Variants in GPR85 observed in about 807,000 individuals in gnomAD.
GPR85 encodes G protein-coupled receptor 85, also known as probable G protein-coupled receptor 85.
Under a neutral mutation model 21.3 loss-of-function variants are expected in GPR85, and 7 were observed. The observed-to-expected ratio is 0.33, with a 90% confidence interval of 0.19 to 0.62. The LOEUF (loss-of-function observed/expected upper bound fraction) is 0.62, where lower values mean the gene tolerates loss of function less well. GPR85 is among the 20% of genes least tolerant of loss of function. The pLI, the probability that GPR85 is intolerant of heterozygous loss-of-function variation, is 0.80. For missense variants in GPR85, 299 were observed against 443.8 expected (o/e 0.67, Z 2.93); for synonymous variants, 167 against 166.1 (o/e 1.01, Z -0.04).
chr7:113,086,417 G>GTTTTTTTTTTTT lies in GPR85; in HGVS notation c.-385_-384insAAAAAAAAAAAA, dbSNP rs1794296050. On this transcript the variant is annotated 5_prime_UTR_variant, in exon 1 of 3. Transcript: ENST00000424100. ...TTTTCTTTTTTTTTTTTTTTTTTTT[G>GTTTTTTTTTTTT]TTTTTTGTTTTTTTTTTTTTTTTTT... is the stretch of plus-strand genomic sequence containing the variant. The GTTTTTTTTTTTT allele has an allele frequency of 3.0e-5, 2 of 66,632 alleles. No homozygotes were observed. The highest frequency in any genetic ancestry group is 1.2e-4 in the African/African-American group (2 of 16,224). 4.1% of individuals were successfully genotyped at this position (66,632 alleles called of 1,614,324 possible).
Position 113,082,800 on chromosome 7 carries a change from A to T in GPR85, c.*809T>A, listed in dbSNP as rs542978952. 3.3e-5 allele frequency: 5 copies of T among 152,490 alleles called. No homozygotes were observed. Among genetic ancestry groups the T allele is most frequent in the African/African-American group, 1.2e-4 (5 of 41,490 alleles). The allele number at this position is 152,490 out of a possible 1,614,324, so 9.4% of individuals were successfully genotyped here. A position where few individuals can be genotyped will look rare whatever the true frequency, so the allele number is the denominator to read the frequency against. Reference sequence around the variant, plus strand: ...TAGATAACCCTTTAAGGCAACATGTATTTATTCTGCATTATTAGAACTGCT... The same window carrying T: ...TAGATAACCCTTTAAGGCAACATGTTTTTATTCTGCATTATTAGAACTGCT... On this transcript the variant is annotated 3_prime_UTR_variant, in exon 3 of 3. Transcript: ENST00000424100.
rs1320559862 is a variant in GPR85 at position 113,084,484 on chromosome 7, A to AGTT, written c.235_237dup (p.Asn79dup). 6.2e-7 allele frequency: 1 copy of AGTT among 1,613,968 alleles called. No individual in the cohort carries two copies. Among genetic ancestry groups the AGTT allele is most frequent in the Non-Finnish European group, 8.5e-7 (1 of 1,179,842 alleles). On this transcript the variant is annotated inframe_insertion, in exon 3 of 3. Transcript: ENST00000424100. ...GTCCAGGTAGAACCATTTTTGACAG[A>AGTT]GTTGAACACAAATGGGAAACAAATT...
chr7:113,084,674 C>G lies in GPR85; in HGVS notation c.48G>C (p.Ser16=). ...HAADNILQNL[S]PLTAFLKLTS... ...TCAGTTTCAGAAAGGCTGTTAGAGG[C>G]GAGAGATTTTGCAAAATGTTGTCAG... Residue 16 remains serine, a synonymous_variant, in exon 3 of 3, where the codon TCG becomes TCC. Coordinates refer to ENST00000424100, the MANE Select transcript of GPR85 (RefSeq NM_001146267.2). 3 of 1,613,544 alleles carry G rather than the reference C, an allele frequency of 1.9e-6. No homozygotes were observed. Among genetic ancestry groups the G allele is most frequent in the Non-Finnish European group, 2.5e-6 (3 of 1,179,704 alleles).
At chr7:113,086,881 C>G (rs1300610244), upstream of GPR85, among the ~76,000 whole-genome samples, 1 of 151,896 alleles carries the variant, frequency 6.6e-6, no homozygotes, top group African/African-American at 2.4e-5. Context: ...CCTAACCTTC[C>G]CCAGACACTT....
chr7:113,083,494 A>T lies in GPR85; in HGVS notation c.*115T>A. On this transcript the variant is annotated 3_prime_UTR_variant, in exon 3 of 3. Transcript: ENST00000424100. The surrounding 1 kb of genome is among the most constrained non-coding windows in gnomAD (Gnocchi z 4.4). Reference sequence around the variant, plus strand: ...GCAAAGACTGCAGAATGTTGCCCAAATCCTTAAAACTGCTGATTCCATTCT... The same window carrying T: ...GCAAAGACTGCAGAATGTTGCCCAATTCCTTAAAACTGCTGATTCCATTCT... The T allele has an allele frequency of 2.1e-6, 2 of 960,848 alleles. No individual in the cohort carries two copies. Among genetic ancestry groups the T allele is most frequent in the Non-Finnish European group, 1.6e-6 (1 of 629,642 alleles). 59.5% of individuals were successfully genotyped at this position (960,848 alleles called of 1,614,324 possible). A position where few individuals can be genotyped will look rare whatever the true frequency, so the allele number is the denominator to read the frequency against.
upstream of GPR85, among the ~76,000 whole-genome samples, chr7:113,087,032 G>GTTAT (rs752747738): frequency 1.6e-3 from 247 of 152,204 alleles, no homozygotes; most frequent in Non-Finnish European, 2.9e-3. Flanking sequence ...AAGAAAAAAA[G>GTTAT]TTATTTATTT....
At position 113,083,812 on chromosome 7, in the gene GPR85, C is replaced by T; in HGVS notation, c.910G>A (p.Ala304Thr). 3 of 1,614,180 alleles carry T rather than the reference C, an allele frequency of 1.9e-6. No homozygotes were observed. Among genetic ancestry groups the T allele is most frequent in the Middle Eastern group, 1.6e-4 (1 of 6,062 alleles). ...CTTGCAAAAACTCTCCAATAACAGG[C>T]CACCAGGTAGGGGCCCCACAAGGTT... The part of the protein sequence containing the change: ...FLTLWGPYLV[A>T]CYWRVFARGP... The change falls in exon 3 of 3, where the codon GCC (alanine) becomes ACC (threonine). Residue 304 changes from alanine (A) to threonine (T), a missense_variant. Around this residue, in one of 2 missense-constraint regions of GPR85, gnomAD observed 198 missense variants for 335.4 expected, o/e 0.59. Coordinates refer to ENST00000424100, the MANE Select transcript of GPR85 (RefSeq NM_001146267.2). The surrounding 1 kb of genome is among the most constrained non-coding windows in gnomAD (Gnocchi z 4.4).
chr7:113,084,222 C>G lies in GPR85; in HGVS notation c.500G>C (p.Arg167Thr). 1 of 1,614,094 alleles carries G rather than the reference C, an allele frequency of 6.2e-7. No homozygotes were observed. The highest frequency in any genetic ancestry group is 2.2e-5 in the East Asian group (1 of 44,864). ...TTGGAAGGTGCATTGATCTTCCTCC[C>G]TAATGAATGAGTAAGTGCCCACGTC... ...VLDVGTYSFI[R>T]EEDQCTFQHR... is the part of the protein sequence containing the mutation. Residue 167 changes from arginine (R) to threonine (T), a missense_variant, in exon 3 of 3, where the codon AGG (arginine) becomes ACG (threonine). Physicochemically the swap from Arg to Thr is moderately conservative, Grantham distance 71. Around this residue, in one of 2 missense-constraint regions of GPR85, gnomAD observed 198 missense variants for 335.4 expected, o/e 0.59. Transcript: ENST00000424100.
rs1245422095 is a variant in GPR85 at position 113,086,424 on chromosome 7, G to GTTTTTTTTTTTTTTTTTTTTTTTTTTTT, written c.-392_-391insAAAAAAAAAAAAAAAAAAAAAAAAAAAA. On this transcript the variant is annotated 5_prime_UTR_variant, in exon 1 of 3. The change abolishes the stop of an existing upstream ORF in the 5' untranslated region. Transcript: ENST00000424100. Reference sequence around the variant, plus strand: ...TTTTTTTTTTTTTTTTTTGTTTTTTGTTTTTTTTTTTTTTTTTTTTGCCTT... The same window carrying GTTTTTTTTTTTTTTTTTTTTTTTTTTTT: ...TTTTTTTTTTTTTTTTTTGTTTTTTGTTTTTTTTTTTTTTTTTTTTTTTTTTTTTTTTTTTTTTTTTTTTTTTTGCCTT... 1.6e-5 allele frequency: 1 copy of GTTTTTTTTTTTTTTTTTTTTTTTTTTTT among 63,856 alleles called. No individual in the cohort carries two copies. Among genetic ancestry groups the GTTTTTTTTTTTTTTTTTTTTTTTTTTTT allele is most frequent in the Non-Finnish European group, 2.7e-5 (1 of 36,750 alleles). The allele number at this position is 63,856 out of a possible 1,614,324, so 4.0% of individuals were successfully genotyped here.
At position 113,085,294 on chromosome 7, in the gene GPR85, T is replaced by G. The variant is rs112892735; in HGVS notation, c.-170-403A>C. 4.5e-3 allele frequency among the ~76,000 whole-genome samples: 689 copies of G among 152,316 alleles called. 5 individuals carry two copies. Among genetic ancestry groups the G allele is most frequent in the African/African-American group, 0.016 (664 of 41,568 alleles). On this transcript the variant is annotated intron_variant, in intron 2 of 2. Coordinates refer to ENST00000424100, the MANE Select transcript of GPR85 (RefSeq NM_001146267.2). ...ATCTGTCAGTGTTTCACAGGCAGCT[T>G]CTCTGTTTGATGTGGGTCCAAAGAA... is the stretch of plus-strand genomic sequence containing the variant.
rs770417550 is a variant in GPR85, at chr7:113,083,959, T to C, written c.763A>G (p.Thr255Ala). ...GCATTTTGCCTGATGCCCAGCAAGG[T>C]GGGTGGTGTGGGACCCCTTCCAAAT... ...AGFGRGPTPP[T>A]LLGIRQNANT... The change falls in exon 3 of 3, where the codon ACC becomes GCC. Residue 255 changes from threonine to alanine, a missense_variant. Thr to Ala is a moderately conservative substitution (Grantham distance 58). Transcript: ENST00000424100. This position sits in a 1 kb window ranked among gnomAD's most constrained non-coding sequence, Gnocchi z 4.4. 2 of 1,614,206 alleles carry C rather than the reference T, an allele frequency of 1.2e-6. No homozygotes were observed. The highest frequency in any genetic ancestry group is 1.7e-6 in the Non-Finnish European group (2 of 1,180,024).
At position 113,086,390 on chromosome 7, in the gene GPR85, C is replaced by CTTTTTTTTTTTTTTTTTTGTTTTTT. The variant is rs1794280731; in HGVS notation, c.-358_-357insAAAAAACAAAAAAAAAAAAAAAAAA. On this transcript the variant is annotated 5_prime_UTR_variant, in exon 1 of 3. The change abolishes the stop of an existing upstream ORF in the 5' untranslated region. Transcript: ENST00000424100. The stretch of plus-strand genomic sequence containing the variant: ...AAATTGCTGATTTTTTTCTTTTTTT[C>CTTTTTTTTTTTTTTTTTTGTTTTTT]TTTTTCTTTTTTTTTTTTTTTTTTT... 4.0e-5 allele frequency: 1 copy of CTTTTTTTTTTTTTTTTTTGTTTTTT among 25,302 alleles called. No individual in the cohort carries two copies. The highest frequency in any genetic ancestry group is 7.9e-5 in the Non-Finnish European group (1 of 12,728). The allele number at this position is 25,302 out of a possible 1,614,324, so 1.6% of individuals were successfully genotyped here.
chr7:113,086,390 C>CTTTTTCTTTTTT lies in GPR85; in HGVS notation c.-369_-358dup, dbSNP rs1794281446. 4.0e-5 allele frequency: 1 copy of CTTTTTCTTTTTT among 25,302 alleles called. No homozygotes were observed. Among genetic ancestry groups the CTTTTTCTTTTTT allele is most frequent in the African/African-American group, 1.5e-4 (1 of 6,778 alleles). 1.6% of individuals were successfully genotyped at this position (25,302 alleles called of 1,614,324 possible). On this transcript the variant is annotated 5_prime_UTR_variant, in exon 1 of 3. Transcript: ENST00000424100. ...AAATTGCTGATTTTTTTCTTTTTTTCTTTTTCTTTTTTTTTTTTTTTTTTT... is the reference window on the plus strand; with the variant it reads ...AAATTGCTGATTTTTTTCTTTTTTTCTTTTTCTTTTTTTTTTTCTTTTTTTTTTTTTTTTTTT...
upstream of GPR85, among the ~76,000 whole-genome samples, chr7:113,086,939 A>C (rs1794322353): frequency 6.8e-6 from 1 of 146,174 alleles, no homozygotes; most frequent in African/African-American, 2.5e-5. Context: ...GGCTTCTTTT[A>C]TATATTTATT....
Position 113,084,491 on chromosome 7 carries a change from C to G in GPR85, c.231G>C (p.Val77=). The G allele has an allele frequency of 6.2e-7, 1 of 1,613,828 alleles. No homozygotes were observed. Among genetic ancestry groups the G allele is most frequent in the African/African-American group, 1.3e-5 (1 of 75,020 alleles). ...TAGAACCATTTTTGACAGAGTTGAA[C>G]ACAAATGGGAAACAAATTGCAGATC... ...ILRSAICFPF[V]FNSVKNGSTW... Residue 77 remains valine, a synonymous_variant, in exon 3 of 3, where the codon GTG becomes GTC. Coordinates refer to ENST00000424100, the MANE Select transcript of GPR85 (RefSeq NM_001146267.2).
intron 1 of GPR85, 88 bp from the exon 2 acceptor site, chr7:113,086,197 GACACACACAC>G (rs150823012): frequency 0.035 from 4,709 of 134,302 alleles, 104 homozygotes; most frequent in Admixed American, 0.046. Context: ...CACACACAGA[GACACACACAC>G]ACACACACAC....
Position 113,086,688 on chromosome 7 carries a change from T to A in GPR85, c.-655A>T, listed in dbSNP as rs1173699872. ...TGGGTTTATTGACTGCCCTGTCCAA[T>A]CCAACTGGCAGCATTAAGCTTTTGT... On this transcript the variant is annotated 5_prime_UTR_variant, in exon 1 of 3. Coordinates refer to ENST00000424100, the MANE Select transcript of GPR85 (RefSeq NM_001146267.2). Among the ~76,000 whole-genome samples, 2 of 152,066 alleles carry A rather than the reference T, an allele frequency of 1.3e-5. No homozygotes were observed. Among genetic ancestry groups the A allele is most frequent in the Non-Finnish European group, 2.9e-5 (2 of 67,998 alleles).
Position 113,084,440 on chromosome 7 carries a change from G to A in GPR85, c.282C>T (p.Cys94=), listed in dbSNP as rs1440318073. The A allele has an allele frequency of 3.1e-6, 5 of 1,613,848 alleles. No homozygotes were observed. The highest frequency in any genetic ancestry group is 4.2e-6 in the Non-Finnish European group (5 of 1,179,888). ...AAACCCCCAGAAAGGCAATCACTTT[G>A]CAAGTCAGAGTCCCATAAGTCCAGG... The part of the protein sequence containing the change: ...GSTWTYGTLT[C]KVIAFLGVLS... The change falls in exon 3 of 3, where the codon TGC becomes TGT. Residue 94 remains cysteine, a synonymous_variant. Coordinates refer to ENST00000424100, the MANE Select transcript of GPR85 (RefSeq NM_001146267.2).
chr7:113,086,238 C>T (rs1376668669), intron 1 of GPR85, 84 bp downstream of exon 1: 4 of 152,938 alleles, frequency 2.6e-5, no homozygotes, highest in African/African-American at 9.8e-5. Context: ...TGAGGGAGGG[C>T]TCTTTCTCGG....
Sources: allele counts gnomAD v4.1 joint callset (sites outside exome capture counted in the v4.1 genomes callset), GRCh38; gene constraint gnomAD v4.1.1; regional missense constraint gnomAD v4.1.1; non-coding constraint Gnocchi (gnomAD v3.1); transcripts MANE v1.5; gene names NCBI Gene and HGNC (gene_info 2026-07-23, HGNC 2026-07-21).